MRTFB: variants seen among roughly 807,000 people sequenced by gnomAD.
MRTFB encodes myocardin related transcription factor B, also known as myocardin-related transcription factor B.
In MRTFB, 29 loss-of-function variants were observed where a neutral mutation model predicts 104.2. That is an observed-to-expected ratio of 0.28 (90% CI 0.21 to 0.38). The LOEUF (loss-of-function observed/expected upper bound fraction) is 0.38, where lower values mean the gene tolerates loss of function less well. Ranked by LOEUF, MRTFB falls within the 10% of genes least tolerant of loss-of-function variation. The pLI is 1.00. For synonymous variants in MRTFB, 535 were observed against 519.5 expected, an observed-to-expected ratio of 1.03 and a Z score of -0.41; for missense variants, 1,270 against 1,341.6, an observed-to-expected ratio of 0.95 and a Z score of 0.83.
Position 14,261,523 on chromosome 16 carries a change from C to T in MRTFB, c.*79C>T. ...AAAAGGTCAGTTTTTAGAGATAGAT[C>T]TATAGTTGCATTGTTGCAATCAAAA... On this transcript the variant is annotated 3_prime_UTR_variant, in exon 17 of 17. Coordinates refer to ENST00000571589, the MANE Select transcript of MRTFB (RefSeq NM_001308142.2). The T allele has an allele frequency of 1.0e-5, 14 of 1,358,402 alleles. No homozygotes were observed. Among genetic ancestry groups the T allele is most frequent in the Non-Finnish European group, 1.3e-5 (13 of 994,838 alleles). The allele number at this position is 1,358,402 out of a possible 1,614,324, so 84.1% of individuals were successfully genotyped here. A position where few individuals can be genotyped will look rare whatever the true frequency, so the allele number is the denominator to read the frequency against.
At chr16:14,164,692 C>A (rs1484550090) in intron 3 of MRTFB, among the ~76,000 whole-genome samples, 1 of 152,158 alleles carries the variant, frequency 6.6e-6, no homozygotes, top group South Asian at 2.1e-4. Context: ...ATCCTCCCAG[C>A]AGTTTTGCAA....
chr16:14,176,899 T>C (rs1040614386), intron 3 of MRTFB, among the ~76,000 whole-genome samples: 16 of 152,246 alleles, frequency 1.1e-4, no homozygotes, highest in African/African-American at 3.6e-4. Flanking sequence ...ACAGGTATCA[T>C]GAGTGTTCAG....
chr16:14,112,871 A>C (rs1241788202), intron 2 of MRTFB, among the ~76,000 whole-genome samples: 1 of 152,096 alleles, frequency 6.6e-6, no homozygotes, highest in African/African-American at 2.4e-5. Flanking sequence ...TGGACACCCT[A>C]TCTGAAATGG....
chr16:14,224,113 A>AT (rs2041884288), intron 8 of MRTFB, among the ~76,000 whole-genome samples: 3 of 152,148 alleles, frequency 2.0e-5, no homozygotes, highest in African/African-American at 4.8e-5. Context: ...ACAGGGAGAA[A>AT]TGCTACACAC....
chr16:14,037,419 C>G, the MRTFB span, among the ~76,000 whole-genome samples: 1 of 152,016 alleles, frequency 6.6e-6, no homozygotes, highest in African/African-American at 2.4e-5. Context: ...GAGGAGACAC[C>G]CAGATGGAGC....
intron 3 of MRTFB, among the ~76,000 whole-genome samples, chr16:14,167,542 A>G (rs1307394985): frequency 6.6e-6 from 1 of 151,742 alleles, no homozygotes; most frequent in Non-Finnish European, 1.5e-5. Context: ...CTTTTGTTAC[A>G]ATTGCTTTTG....
At chr16:14,195,997 TG>T (rs1380244500) in intron 3 of MRTFB, among the ~76,000 whole-genome samples, 1 of 152,246 alleles carries the variant, frequency 6.6e-6, no homozygotes, top group African/African-American at 2.4e-5. Flanking sequence ...AATATCTTTA[TG>T]TACATCTGTC....
intron 3 of MRTFB, among the ~76,000 whole-genome samples, chr16:14,162,015 C>G (rs1246084231): frequency 1.3e-5 from 2 of 151,906 alleles, no homozygotes; most frequent in Non-Finnish European, 2.9e-5. Flanking sequence ...TGTATATGTT[C>G]ATCAAAAGAT....
intron 8 of MRTFB, among the ~76,000 whole-genome samples, chr16:14,219,489 A>G (rs1274689033): frequency 6.6e-6 from 1 of 152,234 alleles, no homozygotes; most frequent in African/African-American, 2.4e-5. Context: ...GTGTTATTTT[A>G]AAGTCAAAAC....
At chr16:14,105,581 TA>T (rs1294855920) in intron 2 of MRTFB, among the ~76,000 whole-genome samples, 1 of 152,132 alleles carries the variant, frequency 6.6e-6, no homozygotes, top group African/African-American at 2.4e-5. Context: ...AAATTTTTTG[TA>T]AAGATAGGGT....
chr16:14,136,204 G>A (rs1014624383), intron 2 of MRTFB, among the ~76,000 whole-genome samples: 16 of 152,048 alleles, frequency 1.1e-4, no homozygotes, highest in Admixed American at 1.3e-4. Flanking sequence ...AACCTGGGAG[G>A]TGGAGGCTGC....
At chr16:14,100,754 G>A (rs780643697) in intron 2 of MRTFB, among the ~76,000 whole-genome samples, 69 of 152,284 alleles carry the variant, frequency 4.5e-4, no homozygotes, top group Non-Finnish European at 6.8e-4. Context: ...TTTTAAAATA[G>A]ATCTGTGGTT....
At chr16:14,244,735 C>T (rs1275688524) in intron 10 of MRTFB, among the ~76,000 whole-genome samples, 1 of 152,172 alleles carries the variant, frequency 6.6e-6, no homozygotes, top group South Asian at 2.1e-4. Flanking sequence ...CCCCACTTTT[C>T]CACTGGGTTT....
intron 3 of MRTFB, chr16:14,187,054 A>G (rs761873954): frequency 3.8e-6 from 6 of 1,584,438 alleles, no homozygotes; most frequent in Non-Finnish European, 5.1e-6. Context: ...GTCTGTGGAC[A>G]GGGGCAAAAC....
chr16:14,009,077 T>C, the MRTFB span, among the ~76,000 whole-genome samples: 3 of 152,000 alleles, frequency 2.0e-5, no homozygotes, highest in African/African-American at 7.2e-5. Context: ...ACCTCCTGAG[T>C]AACTAGGACT....
the MRTFB span, among the ~76,000 whole-genome samples, chr16:14,002,338 A>T: frequency 6.6e-6 from 1 of 151,804 alleles, no homozygotes; most frequent in Non-Finnish European, 1.5e-5. Context: ...AGCCGAGATG[A>T]TGCCACTGCA....
chr16:14,227,608 T>G (rs1205998397), intron 8 of MRTFB, among the ~76,000 whole-genome samples: 1 of 152,018 alleles, frequency 6.6e-6, no homozygotes, highest in Non-Finnish European at 1.5e-5. Context: ...ACCTCCCAGG[T>G]TCAAGGGATT....
At chr16:14,079,648 G>A (rs1242664241) in intron 2 of MRTFB, among the ~76,000 whole-genome samples, 1 of 152,050 alleles carries the variant, frequency 6.6e-6, no homozygotes, top group African/African-American at 2.4e-5. Flanking sequence ...CTGTTTGGTG[G>A]TTATATATAC....
In MRTFB at chr16:14,143,186, G is replaced by T. The variant is rs2038104501; in HGVS notation, c.154+2426G>T. The stretch of plus-strand genomic sequence containing the variant: ...CTTTTTTTTTTTTTTTTTTCATTAG[G>T]CAAACATTTATTAAGCACTTAATAT... On this transcript the variant is annotated intron_variant, in intron 3 of 16. Transcript: ENST00000571589. 4.1e-5 allele frequency: 6 copies of T among 147,060 alleles called. No homozygotes were observed. The South Asian group carries it at 1.1e-3, about 26-fold the overall frequency. 9.1% of individuals were successfully genotyped at this position (147,060 alleles called of 1,614,324 possible).
Sources: allele counts gnomAD v4.1 joint callset (sites outside exome capture counted in the v4.1 genomes callset), GRCh38; gene constraint gnomAD v4.1.1; transcripts MANE v1.5; gene names NCBI Gene and HGNC (gene_info 2026-07-23, HGNC 2026-07-21).